Variants in NEK11 observed in about 807,000 individuals in gnomAD.
The protein encoded by NEK11 is NIMA related kinase 11.
Under a neutral mutation model 80.7 loss-of-function variants are expected in NEK11, and 72 were observed. That is an observed-to-expected ratio of 0.89 (90% CI 0.74 to 1.08). The LOEUF is 1.08. Among genes scored for constraint, NEK11 ranks in the 50% least tolerant of loss-of-function variants. NEK11 has a pLI of 0.00. For missense variants in NEK11, 764 were observed against 763.6 expected (o/e 1.00, Z -0.01); for synonymous variants, 251 against 260.7 (o/e 0.96, Z 0.36).
At chr3:131,293,922 TC>T (rs756310944) in intron 17 of NEK11, among the ~76,000 whole-genome samples, 12 of 152,062 alleles carry the variant, frequency 7.9e-5, no homozygotes, top group African/African-American at 2.9e-4. Flanking sequence ...TATAGTGATG[TC>T]CCCTCTTTCA....
At chr3:131,260,752 G>A (rs774733547) in intron 16 of NEK11, among the ~76,000 whole-genome samples, 5 of 152,148 alleles carry the variant, frequency 3.3e-5, no homozygotes, top group Non-Finnish European at 7.4e-5. Context: ...ATTTGGCAAA[G>A]AGTGGTATCA....
At chr3:131,104,592 T>A (rs1237563915) in intron 4 of NEK11, among the ~76,000 whole-genome samples, 1 of 152,090 alleles carries the variant, frequency 6.6e-6, no homozygotes, top group Non-Finnish European at 1.5e-5. Context: ...GTGGGGTGGC[T>A]GTGATTGGAC....
At chr3:131,215,916 C>G (rs1038862822) in intron 14 of NEK11, among the ~76,000 whole-genome samples, 1 of 152,230 alleles carries the variant, frequency 6.6e-6, no homozygotes, top group Non-Finnish European at 1.5e-5. Flanking sequence ...CAGCCTAGAA[C>G]AGTGCTGTCC....
intron 14 of NEK11, among the ~76,000 whole-genome samples, chr3:131,213,029 T>C (rs1388793465): frequency 3.3e-5 from 5 of 152,180 alleles, no homozygotes. Flanking sequence ...AGGAATTCTG[T>C]CTCCAGGCTT....
intron 1 of NEK11, 132 bp downstream of exon 1, chr3:131,027,138 T>C (rs2063980591): frequency 6.6e-6 from 1 of 152,264 alleles, no homozygotes; most frequent in Admixed American, 6.5e-5. Context: ...TTCCTGGACA[T>C]CTTACCTCCG....
At chr3:131,084,698 A>G (rs2149075052) in intron 4 of NEK11, among the ~76,000 whole-genome samples, 1 of 152,318 alleles carries the variant, frequency 6.6e-6, no homozygotes, top group East Asian at 1.9e-4. Flanking sequence ...TGACATTAAC[A>G]TAGGTAAATA....
At chr3:131,167,932 G>C (rs1275358541) in intron 12 of NEK11, among the ~76,000 whole-genome samples, 1 of 152,212 alleles carries the variant, frequency 6.6e-6, no homozygotes, top group Non-Finnish European at 1.5e-5. Flanking sequence ...CTTTGGCCCT[G>C]AGCTTTCCAG....
At chr3:131,169,040 C>A (rs1203975163) in intron 13 of NEK11, 103 bp downstream of exon 13, 2 of 745,678 alleles carry the variant, frequency 2.7e-6, no homozygotes, top group East Asian at 2.7e-5. Flanking sequence ...TGCAGAGGAG[C>A]CTGAAGGGTT....
intron 3 of NEK11, among the ~76,000 whole-genome samples, chr3:131,063,035 T>C (rs1282211363): frequency 1.3e-5 from 2 of 152,230 alleles, no homozygotes; most frequent in Non-Finnish European, 2.9e-5. Flanking sequence ...TTATTTTTGT[T>C]ATTTTAAGAG....
At chr3:131,349,352 G>A (rs1016177871) in intron 17 of NEK11, among the ~76,000 whole-genome samples, 2 of 152,126 alleles carry the variant, frequency 1.3e-5, no homozygotes, top group Non-Finnish European at 2.9e-5. Context: ...GTTCCTTGAA[G>A]GGTACCTGGC....
At chr3:131,347,588 C>T (rs2097382766) in intron 17 of NEK11, among the ~76,000 whole-genome samples, 1 of 152,134 alleles carries the variant, frequency 6.6e-6, no homozygotes, top group Non-Finnish European at 1.5e-5. Flanking sequence ...TTATTATCAA[C>T]ATTACCATCA....
At chr3:131,264,595 A>G (rs2096008580) in intron 16 of NEK11, among the ~76,000 whole-genome samples, 2 of 152,198 alleles carry the variant, frequency 1.3e-5, no homozygotes, top group South Asian at 4.1e-4. Context: ...GACCAGTACC[A>G]TGCTGTTTTG....
intron 14 of NEK11, among the ~76,000 whole-genome samples, chr3:131,204,289 A>G (rs2094374328): frequency 6.6e-6 from 1 of 152,116 alleles, no homozygotes; most frequent in East Asian, 1.9e-4. Flanking sequence ...ATCCTATGTC[A>G]TATCCTGTAT....
rs564486929 is a variant in NEK11 at position 131,163,426 on chromosome 3, C to T, written c.1082+899C>T. On this transcript the variant is annotated intron_variant, in intron 11 of 17. Coordinates refer to ENST00000383366, the MANE Select transcript of NEK11 (RefSeq NM_024800.5). ...ATTTAGCCTTAAAAAAGAAGGGAAT[C>T]CCATCATTTGCAACAACATGGATGA... Among the ~76,000 whole-genome samples, 3 of 152,186 alleles carry T rather than the reference C, an allele frequency of 2.0e-5. No individual in the cohort carries two copies. The East Asian group carries it at 5.8e-4, about 29-fold the overall frequency.
chr3:131,137,599 A>G (rs543505923), intron 7 of NEK11, among the ~76,000 whole-genome samples: 4 of 152,290 alleles, frequency 2.6e-5, no homozygotes, highest in East Asian at 1.9e-4. Flanking sequence ...TTTTCATCCA[A>G]TGGAAGCTTA....
At chr3:131,223,894 A>G (rs1036001974) in intron 14 of NEK11, among the ~76,000 whole-genome samples, 3 of 152,186 alleles carry the variant, frequency 2.0e-5, no homozygotes, top group African/African-American at 4.8e-5. Flanking sequence ...TGGGTTCAGT[A>G]TGGATTTTGA....
chr3:131,323,663 C>T (rs72993114), intron 17 of NEK11, among the ~76,000 whole-genome samples: 15,272 of 152,214 alleles, frequency 0.1, 1,233 homozygotes, highest in African/African-American at 0.22. Flanking sequence ...AAACACTTAA[C>T]TTGGATAGAA....
At chr3:131,196,054 ATATT>A (rs1460577445) in intron 14 of NEK11, among the ~76,000 whole-genome samples, 16 of 151,574 alleles carry the variant, frequency 1.1e-4, no homozygotes, top group Admixed American at 1.1e-3. Flanking sequence ...TTTATGATAA[ATATT>A]AAATAGAATA....
chr3:131,134,006 G>A (rs2085055982), intron 7 of NEK11, 50 bp downstream of exon 7: 1 of 1,490,620 alleles, frequency 6.7e-7, no homozygotes, highest in East Asian at 2.4e-5. Flanking sequence ...TAAAAGAATG[G>A]TACATTTTGT....
Sources: gnomAD v4.1 joint callset for allele counts (sites outside exome capture counted in the v4.1 genomes callset) on GRCh38, gnomAD v4.1.1 for gene constraint, MANE v1.5 for transcripts, NCBI Gene and HGNC (gene_info 2026-07-23, HGNC 2026-07-21) for gene names.